DIAPH2: variants seen among roughly 807,000 people sequenced by gnomAD.
DIAPH2 encodes the protein diaphanous related formin 2.
DIAPH2 carries 35 observed loss-of-function variants against 92.7 expected under a neutral mutation model. The observed-to-expected ratio is 0.38, with a 90% CI of 0.29 to 0.50. DIAPH2 has a LOEUF of 0.50. DIAPH2 is among the 20% of genes least tolerant of loss of function. DIAPH2 has a pLI of 0.94. For synonymous variants in DIAPH2, 301 were observed against 280.4 expected (o/e 1.07, Z -0.73); for missense variants, 701 against 819.5 (o/e 0.86, Z 1.77).
intron 24 of DIAPH2, among the ~76,000 whole-genome samples, chrX:97,379,148 T>C (rs181443196): frequency 8.1e-5 from 9 of 111,525 alleles, no homozygotes; most frequent in East Asian, 5.6e-4. Flanking sequence ...CAGTGATATA[T>C]ATGGAATCGT....
At chrX:97,288,272 G>C (rs2068562027) in intron 23 of DIAPH2, among the ~76,000 whole-genome samples, 1 of 111,405 alleles carries the variant, frequency 9.0e-6, no homozygotes, top group Non-Finnish European at 1.9e-5. Flanking sequence ...TAACAGCAGA[G>C]ATAGTACTTG....
rs1203968827 is a variant in DIAPH2, at chrX:97,604,952, T to A, written c.*5635T>A. 1 of 112,310 alleles carries A rather than the reference T, an allele frequency of 8.9e-6. No individual in the cohort carries two copies. Among genetic ancestry groups the A allele is most frequent in the African/African-American group, 3.2e-5 (1 of 30,850 alleles). The allele number at this position is 112,310 out of a possible 1,213,427, so 9.3% of individuals were successfully genotyped here. ...GACCAAGAATGACTTGCAATCTATA[T>A]GTAATGGCTACTTACTTATTCAATA... On this transcript the variant is annotated 3_prime_UTR_variant, in exon 27 of 27. Coordinates refer to ENST00000324765, the MANE Select transcript of DIAPH2 (RefSeq NM_006729.5).
chrX:97,026,077 T>G (rs970884920), intron 17 of DIAPH2, among the ~76,000 whole-genome samples: 2 of 112,189 alleles, frequency 1.8e-5, no homozygotes, highest in Admixed American at 9.4e-5. Context: ...ATGTTTAATA[T>G]GGGCCATGAG....
chrX:97,321,829 G>A (rs754359616), intron 23 of DIAPH2, among the ~76,000 whole-genome samples: 2 of 111,377 alleles, frequency 1.8e-5, no homozygotes, highest in Non-Finnish European at 3.8e-5. Flanking sequence ...GATTACAGGC[G>A]TGAGCCACCG....
At position 97,023,851 on chromosome X, in the gene DIAPH2, T is replaced by C. The variant is rs768029613; in HGVS notation, c.2051-49090T>C. ...TACCTATATAAATAGTTCAAATACC[T>C]TATCTTAGCAGTGATGCTACACATA... On this transcript the variant is annotated intron_variant, in intron 17 of 26. Transcript: ENST00000324765. 1.7e-4 allele frequency among the ~76,000 whole-genome samples: 19 copies of C among 112,394 alleles called. No individual in the cohort carries two copies. In the South Asian group the frequency reaches 7.1e-3, roughly 42 times the overall value.
intron 17 of DIAPH2, among the ~76,000 whole-genome samples, chrX:97,039,612 T>C (rs771105620): frequency 2.7e-5 from 3 of 111,602 alleles, no homozygotes; most frequent in East Asian, 5.6e-4. Flanking sequence ...CCTATTTCTC[T>C]TCCTGAGTCT....
chrX:96,980,391 T>A (rs1164856746), intron 17 of DIAPH2, among the ~76,000 whole-genome samples: 1 of 111,226 alleles, frequency 9.0e-6, no homozygotes, highest in Non-Finnish European at 1.9e-5. Flanking sequence ...GAAGTCAAGC[T>A]GCTTCTCTCC....
chrX:97,054,673 G>A (rs948050351), intron 17 of DIAPH2, among the ~76,000 whole-genome samples: 1 of 111,577 alleles, frequency 9.0e-6, no homozygotes, highest in African/African-American at 3.3e-5. Flanking sequence ...ATCTGGTTTG[G>A]GTAGAGCATT....
chrX:97,456,280 G>A (rs1332428252), intron 26 of DIAPH2, among the ~76,000 whole-genome samples: 2 of 110,547 alleles, frequency 1.8e-5, no homozygotes, highest in Non-Finnish European at 3.8e-5. Flanking sequence ...CCAGCTACTC[G>A]CAAGGCTGAG....
chrX:97,018,836 T>C (rs1270879976), intron 17 of DIAPH2, among the ~76,000 whole-genome samples: 1 of 111,840 alleles, frequency 8.9e-6, no homozygotes, highest in Non-Finnish European at 1.9e-5. Context: ...TGACACATCA[T>C]GTATCTACCA....
intron 26 of DIAPH2, among the ~76,000 whole-genome samples, chrX:97,430,729 G>A (rs749269572): frequency 1.2e-4 from 14 of 112,415 alleles, no homozygotes; most frequent in African/African-American, 4.2e-4. Context: ...CAAAACCATT[G>A]TATTGCAACA....
chrX:97,286,873 A>G (rs973409282), intron 23 of DIAPH2, among the ~76,000 whole-genome samples: 1 of 111,218 alleles, frequency 9.0e-6, no homozygotes, highest in Non-Finnish European at 1.9e-5. Flanking sequence ...GAATAGCCTG[A>G]TCAATGTCCC....
intron 4 of DIAPH2, among the ~76,000 whole-genome samples, chrX:96,853,835 C>T (rs376355241): frequency 8.9e-6 from 1 of 111,736 alleles, no homozygotes; most frequent in South Asian, 3.7e-4. Context: ...TTGAAAGCTG[C>T]TTTATGTTCT....
chrX:97,247,423 A>G (rs368548618), intron 22 of DIAPH2, among the ~76,000 whole-genome samples: 9 of 111,847 alleles, frequency 8.0e-5, no homozygotes, highest in African/African-American at 2.9e-4. Flanking sequence ...ATGAAATGTT[A>G]GGAATTCCGT....
At chrX:97,534,198 C>A (rs1409294974) in intron 26 of DIAPH2, among the ~76,000 whole-genome samples, 2 of 111,160 alleles carry the variant, frequency 1.8e-5, no homozygotes, top group African/African-American at 6.5e-5. Context: ...AACTTTTCAG[C>A]CTTTGCTTTT....
In DIAPH2 at chrX:96,912,376, G is replaced by A. The variant is rs930915075; in HGVS notation, c.636G>A (p.Glu212=). The A allele has an allele frequency of 7.5e-6, 9 of 1,200,638 alleles. No homozygotes were observed. The Admixed American group carries it at 1.3e-4, about 18-fold the overall frequency. ...GHEGLGLLLD[E]LEKLLDKKQQ... Reference sequence around the variant, plus strand: ...AAGGTCTTGGACTCTTATTGGATGAGCTGGAAAAGCTTCTGGACAAAAAAC... The same window carrying A: ...AAGGTCTTGGACTCTTATTGGATGAACTGGAAAAGCTTCTGGACAAAAAAC... The change falls in exon 6 of 27, where the codon GAG becomes GAA. Residue 212 remains glutamate (E), a synonymous_variant. Coordinates refer to ENST00000324765, the MANE Select transcript of DIAPH2 (RefSeq NM_006729.5).
chrX:97,445,205 A>C (rs1322248865), intron 26 of DIAPH2, among the ~76,000 whole-genome samples: 2 of 111,303 alleles, frequency 1.8e-5, no homozygotes, highest in African/African-American at 6.5e-5. Context: ...TTCCTGGCAG[A>C]GGAAGATGCA....
intron 19 of DIAPH2, among the ~76,000 whole-genome samples, chrX:97,098,978 A>T (rs765104223): frequency 8.9e-6 from 1 of 112,301 alleles, no homozygotes; most frequent in African/African-American, 3.2e-5. Context: ...GACATTGTAG[A>T]TAATGGGAGA....
chrX:96,868,631 T>G (rs2065119723), intron 4 of DIAPH2, among the ~76,000 whole-genome samples: 1 of 111,433 alleles, frequency 9.0e-6, no homozygotes, highest in African/African-American at 3.3e-5. Flanking sequence ...CCCTATCTAT[T>G]TTGAAGGCAC....
Sources: allele counts gnomAD v4.1 joint callset (sites outside exome capture counted in the v4.1 genomes callset), GRCh38; gene constraint gnomAD v4.1.1; transcripts MANE v1.5; gene names NCBI Gene and HGNC (gene_info 2026-07-23, HGNC 2026-07-21).